RNGTT: variants seen among roughly 807,000 people sequenced by gnomAD.
RNGTT encodes the protein RNA guanylyltransferase and 5'-phosphatase.
A neutral mutation model predicts 79.3 loss-of-function variants in RNGTT; 33 were observed. That is an observed-to-expected ratio of 0.42 (90% CI 0.32 to 0.56). The LOEUF is 0.56. Among genes scored for constraint, RNGTT ranks in the 20% least tolerant of loss-of-function variants. The pLI is 0.17. For synonymous variants in RNGTT, 222 were observed against 235.9 expected, an observed-to-expected ratio of 0.94 and a Z score of 0.54; for missense variants, 497 against 739.1, an observed-to-expected ratio of 0.67 and a Z score of 3.80.
intron 14 of RNGTT, among the ~76,000 whole-genome samples, chr6:88,625,691 G>A (rs528397303): frequency 1.1e-4 from 16 of 151,806 alleles, no homozygotes; most frequent in Admixed American, 9.9e-4. Context: ...ATATGCACTT[G>A]TCTAAGCTCA....
At chr6:88,815,001 A>G (rs1020688890) in intron 11 of RNGTT, among the ~76,000 whole-genome samples, 3 of 152,210 alleles carry the variant, frequency 2.0e-5, no homozygotes, top group African/African-American at 7.2e-5. Flanking sequence ...CTCTAGGCCC[A>G]GGGGATATCC....
chr6:88,938,157 A>T (rs1316890967), intron 2 of RNGTT, among the ~76,000 whole-genome samples: 6 of 152,166 alleles, frequency 3.9e-5, no homozygotes, highest in Non-Finnish European at 8.8e-5. Flanking sequence ...ATTATACGGG[A>T]GACTGTATCT....
At chr6:88,948,609 T>G in intron 1 of RNGTT, among the ~76,000 whole-genome samples, 1 of 144,532 alleles carries the variant, frequency 6.9e-6, no homozygotes, top group Non-Finnish European at 1.5e-5. Context: ...GTCTGGGAGG[T>G]GTGCCCAACA....
intron 13 of RNGTT, among the ~76,000 whole-genome samples, chr6:88,732,220 G>A (rs931331797): frequency 6.6e-6 from 1 of 152,094 alleles, no homozygotes. Flanking sequence ...AATGGACAAA[G>A]GATGTGAATA....
At chr6:88,842,447 T>A (rs1371538367) in intron 11 of RNGTT, among the ~76,000 whole-genome samples, 2 of 151,576 alleles carry the variant, frequency 1.3e-5, no homozygotes, top group Non-Finnish European at 2.9e-5. Context: ...ATATGAGTGA[T>A]ACTAAAAATA....
intron 13 of RNGTT, among the ~76,000 whole-genome samples, chr6:88,689,848 T>G (rs376243546): frequency 2.7e-5 from 4 of 148,218 alleles, no homozygotes; most frequent in South Asian, 4.3e-4. Flanking sequence ...TCTCAAAGTT[T>G]CTCCCCAGAA....
intron 13 of RNGTT, among the ~76,000 whole-genome samples, chr6:88,708,925 C>T (rs765044269): frequency 1.3e-5 from 2 of 152,032 alleles, no homozygotes; most frequent in Non-Finnish European, 2.9e-5. Flanking sequence ...TTCACCTCTT[C>T]GAAACACATA....
intron 12 of RNGTT, among the ~76,000 whole-genome samples, chr6:88,796,946 T>C (rs912806665): frequency 6.6e-6 from 1 of 152,162 alleles, no homozygotes; most frequent in Non-Finnish European, 1.5e-5. Context: ...TTTAGACAGG[T>C]AGTCCTGAGC....
rs906113319 is a variant in RNGTT, at chr6:88,963,469, C to T, written c.-60G>A. The stretch of plus-strand genomic sequence containing the variant: ...AACGTTCACCGCGCCTTTGGAGCCG[C>T]CTCCCCGTGGTCCGGTGCACACCGG... On this transcript the variant is annotated 5_prime_UTR_variant, in exon 1 of 16. Transcript: ENST00000369485. The T allele has an allele frequency of 6.7e-6, 10 of 1,482,052 alleles. No individual in the cohort carries two copies. Among genetic ancestry groups the T allele is most frequent in the Non-Finnish European group, 9.0e-6 (10 of 1,107,672 alleles). 91.8% of individuals were successfully genotyped at this position (1,482,052 alleles called of 1,614,324 possible). A position where few individuals can be genotyped will look rare whatever the true frequency, so the allele number is the denominator to read the frequency against.
chr6:88,796,526 C>T (rs1562257456), intron 12 of RNGTT, among the ~76,000 whole-genome samples: 3 of 152,170 alleles, frequency 2.0e-5, no homozygotes. Flanking sequence ...AGCCACTTAA[C>T]AGACTTCACT....
chr6:88,821,145 T>C (rs1265695963), intron 11 of RNGTT, among the ~76,000 whole-genome samples: 1 of 151,792 alleles, frequency 6.6e-6, no homozygotes, highest in Non-Finnish European at 1.5e-5. Context: ...CAGAAATAGA[T>C]CCACATAAAT....
At chr6:88,623,724 T>C (rs1389770934) in intron 14 of RNGTT, among the ~76,000 whole-genome samples, 3 of 152,006 alleles carry the variant, frequency 2.0e-5, no homozygotes, top group Non-Finnish European at 4.4e-5. Context: ...ATCAAGTCAT[T>C]CTCTTGCTTA....
chr6:88,784,619 T>C (rs1779169585), intron 12 of RNGTT, among the ~76,000 whole-genome samples: 1 of 152,198 alleles, frequency 6.6e-6, no homozygotes, highest in East Asian at 1.9e-4. Context: ...CTACTAAAGT[T>C]ATCACTGAAC....
At chr6:88,761,663 A>G (rs1778262677) in intron 13 of RNGTT, among the ~76,000 whole-genome samples, 1 of 152,190 alleles carries the variant, frequency 6.6e-6, no homozygotes, top group African/African-American at 2.4e-5. Flanking sequence ...TTTTGTAAAT[A>G]AAGTTTCACT....
At chr6:88,695,410 G>A (rs1488785738) in intron 13 of RNGTT, among the ~76,000 whole-genome samples, 1 of 152,090 alleles carries the variant, frequency 6.6e-6, no homozygotes, top group Non-Finnish European at 1.5e-5. Flanking sequence ...ATGAAAAATT[G>A]TTCAATATCA....
intron 11 of RNGTT, among the ~76,000 whole-genome samples, chr6:88,836,418 C>T (rs1485695966): frequency 6.6e-6 from 1 of 151,784 alleles, no homozygotes; most frequent in Non-Finnish European, 1.5e-5. Context: ...AAACCAAAAC[C>T]GCAAAACCCT....
chr6:88,620,322 G>A (rs1160099776), intron 14 of RNGTT, among the ~76,000 whole-genome samples: 1 of 152,122 alleles, frequency 6.6e-6, no homozygotes, highest in Non-Finnish European at 1.5e-5. Context: ...CACAACTAAA[G>A]GGTATGAAAT....
chr6:88,701,950 T>C (rs1284677319), intron 13 of RNGTT, among the ~76,000 whole-genome samples: 6 of 151,878 alleles, frequency 4.0e-5, no homozygotes, highest in Non-Finnish European at 2.9e-5. Flanking sequence ...AAGAACAAAA[T>C]CTCATTTACG....
Position 88,904,675 on chromosome 6 carries a change from A to G in RNGTT, c.684+40T>C, listed in dbSNP as rs1295512919. 1.9e-6 allele frequency: 3 copies of G among 1,539,348 alleles called. No homozygotes were observed. The Admixed American group carries it at 6.4e-5, about 33-fold the overall frequency. Reference sequence around the variant, plus strand: ...ATAAATCTCAATAAGCTTGCAGAAAAAGGAAAAAAAAAACCTATTATAATA... The same window carrying G: ...ATAAATCTCAATAAGCTTGCAGAAAGAGGAAAAAAAAAACCTATTATAATA... On this transcript the variant is annotated intron_variant, in intron 6 of 15. Transcript: ENST00000369485.
Sources: allele counts gnomAD v4.1 joint callset (sites outside exome capture counted in the v4.1 genomes callset), GRCh38; gene constraint gnomAD v4.1.1; transcripts MANE v1.5; gene names NCBI Gene and HGNC (gene_info 2026-07-23, HGNC 2026-07-21).